Variants in CCDC171 observed in about 807,000 individuals in gnomAD.
The protein encoded by CCDC171 is coiled-coil domain-containing protein 171.
Under a neutral mutation model 168.2 loss-of-function variants are expected in CCDC171, and 177 were observed. The observed-to-expected ratio is 1.05, with a 90% confidence interval of 0.93 to 1.19. CCDC171 has a LOEUF of 1.19. Ranked by LOEUF, CCDC171 falls within the 50% of genes most tolerant of loss-of-function variation. The pLI is 0.00. For synonymous variants in CCDC171, 687 were observed against 540.8 expected (o/e 1.27, Z -3.75); for missense variants, 1,991 against 1,539.0 (o/e 1.29, Z -4.91).
intron 6 of CCDC171, among the ~76,000 whole-genome samples, chr9:16,029,077 C>T (rs906899268): frequency 3.9e-5 from 6 of 151,900 alleles, no homozygotes; most frequent in African/African-American, 9.7e-5. Flanking sequence ...AAATGGAAGA[C>T]GGCAGGCGCT....
intron 3 of CCDC171, among the ~76,000 whole-genome samples, chr9:15,989,206 G>A (rs951458985): frequency 1.3e-5 from 2 of 152,166 alleles, no homozygotes; most frequent in African/African-American, 4.8e-5. Flanking sequence ...ACACCACACG[G>A]CAGGGTACTG....
At chr9:16,102,523 G>A in the CCDC171 span, among the ~76,000 whole-genome samples, 1 of 151,328 alleles carries the variant, frequency 6.6e-6, no homozygotes, top group East Asian at 1.9e-4. Context: ...GGGGGAGGGT[G>A]GGTACAAATA....
chr9:15,986,076 T>C (rs533608290), intron 3 of CCDC171, among the ~76,000 whole-genome samples: 109 of 152,350 alleles, frequency 7.2e-4, no homozygotes, highest in African/African-American at 2.5e-3. Context: ...AAACTGCTGA[T>C]GCTTAGGAAA....
chr9:15,592,481 T>G (rs1248324065), intron 5 of CCDC171, among the ~76,000 whole-genome samples: 2 of 152,214 alleles, frequency 1.3e-5, no homozygotes, highest in East Asian at 1.9e-4. Context: ...ATTTAAAAAC[T>G]GTAAAAGTTT....
chr9:16,106,866 C>G, the CCDC171 span, among the ~76,000 whole-genome samples: 2 of 152,126 alleles, frequency 1.3e-5, no homozygotes, highest in Non-Finnish European at 2.9e-5. Context: ...AGACTTGGGC[C>G]AGGTGTCACC....
rs2054034609 is a variant in CCDC171, at chr9:15,729,708, C to T, written c.1959C>T (p.Ile653=). The change falls in exon 16 of 26, where the codon ATC becomes ATT. Residue 653 remains isoleucine, a synonymous_variant. Coordinates refer to ENST00000380701, the MANE Select transcript of CCDC171 (RefSeq NM_173550.4). ...CCTTTACCAAAGTGGCAGAACAGAT[C>T]AAAGCCCAAGAGAGCTGCTGGCACA... ...EDTFTKVAEQ[I]KAQESCWHRQ... 6.2e-7 allele frequency: 1 copy of T among 1,613,450 alleles called. No individual in the cohort carries two copies. Among genetic ancestry groups the T allele is most frequent in the East Asian group, 2.2e-5 (1 of 44,852 alleles).
chr9:15,664,341 C>G (rs562438256), intron 8 of CCDC171, among the ~76,000 whole-genome samples: 2 of 152,216 alleles, frequency 1.3e-5, no homozygotes, highest in African/African-American at 4.8e-5. Flanking sequence ...CTTGACTTCC[C>G]CAGCTCAAGT....
intron 10 of CCDC171, among the ~76,000 whole-genome samples, chr9:15,683,166 A>G (rs1363225432): frequency 6.6e-6 from 1 of 152,016 alleles, no homozygotes; most frequent in African/African-American, 2.4e-5. Context: ...TCTAGTTCTC[A>G]GGAGGTTTTG....
At chr9:15,822,157 C>A (rs2059803080) in intron 21 of CCDC171, among the ~76,000 whole-genome samples, 1 of 152,160 alleles carries the variant, frequency 6.6e-6, no homozygotes, top group Non-Finnish European at 1.5e-5. Context: ...TGGATCCCTT[C>A]CTTACACCTT....
At chr9:15,839,181 A>C (rs1282706508) in intron 21 of CCDC171, among the ~76,000 whole-genome samples, 1 of 152,188 alleles carries the variant, frequency 6.6e-6, no homozygotes. Flanking sequence ...TGAGTTGTAC[A>C]TTCTTCAATG....
intron 21 of CCDC171, among the ~76,000 whole-genome samples, chr9:15,812,550 G>T (rs1012310465): frequency 1.3e-5 from 2 of 152,176 alleles, no homozygotes; most frequent in African/African-American, 2.4e-5. Context: ...TGCAAAAATT[G>T]TATCGGCCAC....
rs543417884 is a variant in CCDC171, at chr9:15,646,855, T to G, written c.823-10272T>G. On this transcript the variant is annotated intron_variant, in intron 7 of 25. Transcript: ENST00000380701. ...TAGACAGATCAACTGGACAGAAAGT[T>G]AACAAGGATATCCAGGAATTGAACT... 2.6e-5 allele frequency among the ~76,000 whole-genome samples: 4 copies of G among 152,190 alleles called. No individual in the cohort carries two copies. The South Asian group carries it at 8.3e-4, about 32-fold the overall frequency.
chr9:15,556,660 A>G (rs2132404448), intron 1 of CCDC171, among the ~76,000 whole-genome samples: 1 of 152,048 alleles, frequency 6.6e-6, no homozygotes, highest in East Asian at 1.9e-4. Flanking sequence ...AGATGGGTAG[A>G]TTGTAAAAAT....
chr9:15,604,233 G>C (rs1425864461), intron 6 of CCDC171, among the ~76,000 whole-genome samples: 2 of 151,936 alleles, frequency 1.3e-5, no homozygotes, highest in Non-Finnish European at 2.9e-5. Flanking sequence ...ATTTTGCTGT[G>C]CAGAAGCTCT....
intron 4 of CCDC171, among the ~76,000 whole-genome samples, chr9:15,584,849 C>A (rs2041426993): frequency 6.6e-6 from 1 of 152,072 alleles, no homozygotes; most frequent in African/African-American, 2.4e-5. Context: ...TTGGAAGGCA[C>A]TAGATATGAA....
intron 21 of CCDC171, among the ~76,000 whole-genome samples, chr9:15,806,201 T>C (rs1436537132): frequency 6.6e-6 from 1 of 152,188 alleles, no homozygotes; most frequent in Non-Finnish European, 1.5e-5. Context: ...TGCCACTCTG[T>C]GTCTTTCAAT....
intron 11 of CCDC171, among the ~76,000 whole-genome samples, chr9:15,713,843 A>C (rs2052873633): frequency 6.6e-6 from 1 of 151,208 alleles, no homozygotes; most frequent in African/African-American, 2.4e-5. Context: ...TTGGTAATGG[A>C]GAGTTGATTA....
chr9:15,837,012 A>C (rs2060481523), intron 21 of CCDC171, among the ~76,000 whole-genome samples: 1 of 152,194 alleles, frequency 6.6e-6, no homozygotes, highest in African/African-American at 2.4e-5. Context: ...ACATTTTAAC[A>C]TCTGCAACCC....
chr9:15,860,982 T>C (rs1244321839), intron 23 of CCDC171, among the ~76,000 whole-genome samples: 1 of 136,316 alleles, frequency 7.3e-6, no homozygotes, highest in African/African-American at 2.8e-5. Flanking sequence ...AAAATTGTTA[T>C]ATGTTCCTGG....
Sources: allele counts gnomAD v4.1 joint callset (sites outside exome capture counted in the v4.1 genomes callset), GRCh38; gene constraint gnomAD v4.1.1; transcripts MANE v1.5; gene names NCBI Gene and HGNC (gene_info 2026-07-23, HGNC 2026-07-21).